The following CNTNAP5 variants were observed in gnomAD, a reference collection of about 807,000 sequenced individuals.
The protein encoded by CNTNAP5 is contactin associated protein family member 5, also known as contactin-associated protein-like 5.
CNTNAP5 carries 72 observed loss-of-function variants against 150.2 expected under a neutral mutation model. The ratio of observed to expected loss-of-function variants is 0.48; its 90% CI spans 0.40 to 0.58. CNTNAP5 has a LOEUF of 0.58. Among genes scored for constraint, CNTNAP5 ranks in the 20% least tolerant of loss-of-function variants. The pLI, the probability that CNTNAP5 is intolerant of heterozygous loss-of-function variation, is 0.00. For synonymous variants in CNTNAP5, 672 were observed against 619.8 expected, an observed-to-expected ratio of 1.08 and a Z score of -1.25; for missense variants, 1,636 against 1,626.2, an observed-to-expected ratio of 1.01 and a Z score of -0.10.
intron 21 of CNTNAP5, among the ~76,000 whole-genome samples, chr2:124,896,961 TCTTTA>T (rs1678319341): frequency 6.6e-6 from 1 of 151,662 alleles, no homozygotes; most frequent in African/African-American, 2.4e-5. Context: ...ACTACTTCTC[TCTTTA>T]CTTTGTAAAG....
chr2:124,643,854 G>A (rs188264613), intron 12 of CNTNAP5, among the ~76,000 whole-genome samples: 13 of 152,334 alleles, frequency 8.5e-5, no homozygotes, highest in Admixed American at 2.6e-4. Context: ...GAATAGGATT[G>A]TTTCTAAAGC....
intron 14 of CNTNAP5, among the ~76,000 whole-genome samples, chr2:124,760,681 T>C (rs1052990584): frequency 3.9e-5 from 6 of 152,140 alleles, no homozygotes; most frequent in Admixed American, 6.6e-5. Flanking sequence ...TAAATGGGAA[T>C]GTCTGGCTGC....
At chr2:124,781,838 A>G (rs1433654919) in intron 17 of CNTNAP5, among the ~76,000 whole-genome samples, 3 of 152,164 alleles carry the variant, frequency 2.0e-5, no homozygotes, top group Non-Finnish European at 4.4e-5. Flanking sequence ...TCTACCTTTT[A>G]TCTCCCATCC....
At chr2:124,875,593 AGCTTTATAT>A (rs1378460394) in intron 21 of CNTNAP5, among the ~76,000 whole-genome samples, 3 of 152,064 alleles carry the variant, frequency 2.0e-5, no homozygotes, top group African/African-American at 7.2e-5. Context: ...TATTTCTTGA[AGCTTTATAT>A]GCAAATTACT....
In CNTNAP5 at chr2:124,456,195, C is replaced by G. The variant is rs138112838; in HGVS notation, c.918+9258C>G. Among the ~76,000 whole-genome samples, 404 of 152,226 alleles carry G rather than the reference C, an allele frequency of 2.7e-3. 2 individuals carry two copies. The highest frequency in any genetic ancestry group is 9.4e-3 in the African/African-American group (392 of 41,548). ...AAGACTCATTCAGAAGCTCCTAGAACTGATAAAAGAATTCAGCAAAGTTTC... is the reference window on the plus strand; with the variant it reads ...AAGACTCATTCAGAAGCTCCTAGAAGTGATAAAAGAATTCAGCAAAGTTTC... On this transcript the variant is annotated intron_variant, in intron 6 of 23. Coordinates refer to ENST00000682447, the MANE Select transcript of CNTNAP5 (RefSeq NM_001367498.1).
intron 3 of CNTNAP5, among the ~76,000 whole-genome samples, chr2:124,367,786 T>C (rs1280211705): frequency 2.0e-5 from 3 of 152,208 alleles, no homozygotes; most frequent in African/African-American, 7.2e-5. Context: ...CCTTCTAAAA[T>C]GCTAACTCTT....
At chr2:124,244,180 A>G (rs1309557461) in intron 3 of CNTNAP5, among the ~76,000 whole-genome samples, 3 of 152,158 alleles carry the variant, frequency 2.0e-5, no homozygotes, top group African/African-American at 7.2e-5. Flanking sequence ...AGGGATGACA[A>G]TTCCTCTGGG....
At chr2:124,746,053 C>T (rs1391537472) in intron 13 of CNTNAP5, among the ~76,000 whole-genome samples, 3 of 152,166 alleles carry the variant, frequency 2.0e-5, no homozygotes, top group Non-Finnish European at 4.4e-5. Flanking sequence ...CTTGTAACAT[C>T]CTCAGACAAT....
intron 13 of CNTNAP5, among the ~76,000 whole-genome samples, chr2:124,700,538 A>G (rs1364701571): frequency 1.3e-5 from 2 of 152,042 alleles, no homozygotes; most frequent in African/African-American, 2.4e-5. Flanking sequence ...TCTTTTTATT[A>G]TAGTTATCCT....
intron 1 of CNTNAP5, among the ~76,000 whole-genome samples, chr2:124,047,359 A>T (rs192376786): frequency 4.6e-5 from 7 of 152,370 alleles, no homozygotes; most frequent in Admixed American, 3.9e-4. Context: ...CAGAGGAGAA[A>T]GTGAAACTGG....
intron 6 of CNTNAP5, among the ~76,000 whole-genome samples, chr2:124,464,504 TGATATG>T: frequency 6.6e-6 from 1 of 152,088 alleles, no homozygotes; most frequent in Non-Finnish European, 1.5e-5. Context: ...AAATAAGGCA[TGATATG>T]TACTACGAGC....
rs1694350328 is a variant in CNTNAP5 at position 124,504,351 on chromosome 2, C to A, written c.1122C>A (p.Ser374=). Residue 374 remains serine, a synonymous_variant, in exon 8 of 24, where the codon TCC becomes TCA. Coordinates refer to ENST00000682447, the MANE Select transcript of CNTNAP5 (RefSeq NM_001367498.1). The part of the protein sequence containing the change: ...PQIVPITFVN[S]SGSYLLLPGT... ...TTGTGCCCATCACATTTGTCAACTC[C>A]AGCGGCAGCTATTTGCTGCTGCCCG... 1 of 1,613,930 alleles carries A rather than the reference C, an allele frequency of 6.2e-7. No homozygotes were observed. Among genetic ancestry groups the A allele is most frequent in the African/African-American group, 1.3e-5 (1 of 75,038 alleles).
chr2:124,099,356 TG>T (rs1418120400), intron 1 of CNTNAP5, among the ~76,000 whole-genome samples: 4 of 152,196 alleles, frequency 2.6e-5, no homozygotes, highest in African/African-American at 9.7e-5. Context: ...TCATATTTAC[TG>T]ACTATAATAA....
At chr2:124,256,471 T>TTATAAGTTCACC (rs1179665799) in intron 3 of CNTNAP5, among the ~76,000 whole-genome samples, 1 of 152,038 alleles carries the variant, frequency 6.6e-6, no homozygotes, top group East Asian at 1.9e-4. Context: ...TCCAATGGTT[T>TTATAAGTTCACC]TATAAGTTCA....
intron 10 of CNTNAP5, among the ~76,000 whole-genome samples, chr2:124,528,853 T>C (rs1695037835): frequency 6.6e-6 from 1 of 152,136 alleles, no homozygotes. Flanking sequence ...ACTAGGCAGG[T>C]GACTGCCCCA....
intron 13 of CNTNAP5, among the ~76,000 whole-genome samples, chr2:124,741,193 T>C (rs1213240940): frequency 6.6e-6 from 1 of 152,060 alleles, no homozygotes; most frequent in Non-Finnish European, 1.5e-5. Context: ...CTTAGAAAAA[T>C]GTAAAGAGAA....
At chr2:124,904,723 A>G (rs907988124) in intron 22 of CNTNAP5, among the ~76,000 whole-genome samples, 1 of 152,128 alleles carries the variant, frequency 6.6e-6, no homozygotes, top group Non-Finnish European at 1.5e-5. Flanking sequence ...ATAAAAATTA[A>G]CTTGAAATGG....
In CNTNAP5 at chr2:124,316,318, G is replaced by A. The variant is rs115695996; in HGVS notation, c.381+73925G>A. Among the ~76,000 whole-genome samples the A allele has an allele frequency of 4.0e-3, 614 of 152,218 alleles. 7 individuals are homozygous for A. Among genetic ancestry groups the A allele is most frequent in the Middle Eastern group, 0.024 (7 of 294 alleles). ...GGAGGACCTGAATATGATTCCAAGC[G>A]AAACCAGATAAATTTTCTTCCTGTG... On this transcript the variant is annotated intron_variant, in intron 3 of 23. Coordinates refer to ENST00000682447, the MANE Select transcript of CNTNAP5 (RefSeq NM_001367498.1).
chr2:124,603,404 A>G (rs1439713129), intron 11 of CNTNAP5, among the ~76,000 whole-genome samples: 1 of 152,172 alleles, frequency 6.6e-6, no homozygotes, highest in Admixed American at 6.5e-5. Flanking sequence ...ATCACTTTTC[A>G]TGATGTTAAG....
Sources: gnomAD v4.1 joint callset for allele counts (sites outside exome capture counted in the v4.1 genomes callset) on GRCh38, gnomAD v4.1.1 for gene constraint, MANE v1.5 for transcripts, NCBI Gene and HGNC (gene_info 2026-07-23, HGNC 2026-07-21) for gene names.